Variants in TMEM272 observed in about 807,000 individuals in gnomAD.
TMEM272 encodes the protein transmembrane protein 272, also known as long intergenic non-protein coding RNA 282.
Under a neutral mutation model 3.7 loss-of-function variants are expected in TMEM272, and 8 were observed. The ratio of observed to expected loss-of-function variants is 2.17; its 90% CI spans 1.27 to 3.91. TMEM272 has a LOEUF of 3.91. TMEM272 is among the 30% of genes most tolerant of loss of function. The pLI, the probability that TMEM272 is intolerant of heterozygous loss-of-function variation, is 0.00. For synonymous variants in TMEM272, 63 were observed against 39.8 expected, an observed-to-expected ratio of 1.58 and a Z score of -2.20; for missense variants, 166 against 91.5, an observed-to-expected ratio of 1.81 and a Z score of -3.32.
At chr13:51,922,162 G>C in the TMEM272 span, among the ~76,000 whole-genome samples, 10 of 152,220 alleles carry the variant, frequency 6.6e-5, no homozygotes, top group Non-Finnish European at 1.3e-4. Context: ...AGGAGTTATC[G>C]CTTGAAAAAA....
At chr13:51,851,442 T>C in the TMEM272 span, among the ~76,000 whole-genome samples, 132 of 53,680 alleles carry the variant, frequency 2.5e-3, 2 homozygotes, top group South Asian at 0.025. Context: ...ACGCCCTACA[T>C]TTGTAGTCAT....
At chr13:51,843,498 T>C (rs574956011) in intron 1 of TMEM272, among the ~76,000 whole-genome samples, 1 of 152,340 alleles carries the variant, frequency 6.6e-6, no homozygotes, top group Non-Finnish European at 1.5e-5. Context: ...GATGGATTCA[T>C]GTCAATGCAA....
Position 51,814,822 on chromosome 13 carries a change from T to C in TMEM272, c.*1929A>G, listed in dbSNP as rs918919235. 6.6e-6 allele frequency: 1 copy of C among 152,306 alleles called. No homozygotes were observed. The highest frequency in any genetic ancestry group is 2.4e-5 in the African/African-American group (1 of 41,462). 9.4% of individuals were successfully genotyped at this position (152,306 alleles called of 1,614,324 possible). On this transcript the variant is annotated 3_prime_UTR_variant, in exon 5 of 5. Coordinates refer to ENST00000629372, the MANE Select transcript of TMEM272 (RefSeq NM_001351003.2). ...TGTCCAACGTTTGAGACCTAGCTAC[T>C]GATGTATCCAAAGCACTAACCAGTA... is the stretch of plus-strand genomic sequence containing the variant.
the TMEM272 span, among the ~76,000 whole-genome samples, chr13:51,922,899 C>G: frequency 6.6e-6 from 1 of 152,206 alleles, no homozygotes; most frequent in East Asian, 1.9e-4. Flanking sequence ...TTAGAAACAC[C>G]CTTGTGATTA....
the TMEM272 span, among the ~76,000 whole-genome samples, chr13:51,888,035 C>T: frequency 7.6e-6 from 1 of 131,606 alleles, no homozygotes; most frequent in Admixed American, 9.3e-5. Flanking sequence ...TGTAATTTCA[C>T]TTGACACAAT....
At chr13:51,849,187 A>G (rs1403281224), upstream of TMEM272, among the ~76,000 whole-genome samples, 1 of 152,194 alleles carries the variant, frequency 6.6e-6, no homozygotes, top group Non-Finnish European at 1.5e-5. Flanking sequence ...GAGTTAAATG[A>G]CAGGCACCCC....
At chr13:51,892,967 C>T in the TMEM272 span, among the ~76,000 whole-genome samples, 1 of 152,248 alleles carries the variant, frequency 6.6e-6, no homozygotes, top group Non-Finnish European at 1.5e-5. Flanking sequence ...CTGACTACAA[C>T]ACAAAGGTAA....
At chr13:51,909,344 C>G in the TMEM272 span, 1 of 881,774 alleles carries the variant, frequency 1.1e-6, no homozygotes, top group Non-Finnish European at 1.9e-6. Flanking sequence ...TTCTGCAGGT[C>G]TCCAGCTCTT....
At chr13:51,923,532 T>C in the TMEM272 span, among the ~76,000 whole-genome samples, 1 of 152,046 alleles carries the variant, frequency 6.6e-6, no homozygotes, top group Non-Finnish European at 1.5e-5. Flanking sequence ...CAGTGGAAAG[T>C]GCCGGCAGCC....
intron 3 of TMEM272, among the ~76,000 whole-genome samples, chr13:51,826,072 C>G (rs1214323544): frequency 6.7e-6 from 1 of 149,614 alleles, no homozygotes; most frequent in Admixed American, 6.6e-5. Context: ...CGCTAGACCT[C>G]ACACTTCTGG....
chr13:51,844,671 C>T (rs767649248), intron 1 of TMEM272, among the ~76,000 whole-genome samples: 6 of 152,190 alleles, frequency 3.9e-5, no homozygotes, highest in Non-Finnish European at 7.3e-5. Context: ...AAGCCACTTG[C>T]TCACAGCCCC....
chr13:51,906,203 G>A, the TMEM272 span, among the ~76,000 whole-genome samples: 1 of 152,196 alleles, frequency 6.6e-6, no homozygotes, highest in Non-Finnish European at 1.5e-5. Context: ...GCCCGCTAAG[G>A]GGACTCCCTG....
chr13:51,930,212 C>T, the TMEM272 span, among the ~76,000 whole-genome samples: 2 of 151,864 alleles, frequency 1.3e-5, no homozygotes, highest in African/African-American at 2.4e-5. Context: ...AGTTAATAGC[C>T]GTCTCCATTT....
intron 2 of TMEM272, among the ~76,000 whole-genome samples, chr13:51,833,486 G>A (rs1353740284): frequency 6.6e-6 from 1 of 152,182 alleles, no homozygotes; most frequent in African/African-American, 2.4e-5. Context: ...TCAGCCTGGA[G>A]AGCAATTGTG....
the TMEM272 span, among the ~76,000 whole-genome samples, chr13:51,897,793 G>A: frequency 6.6e-6 from 1 of 151,500 alleles, no homozygotes. Flanking sequence ...CAGGCATGGT[G>A]GTGCGTGCCT....
chr13:51,892,476 GT>G, the TMEM272 span, among the ~76,000 whole-genome samples: 1 of 152,104 alleles, frequency 6.6e-6, no homozygotes, highest in Non-Finnish European at 1.5e-5. Flanking sequence ...GCTTGGTATT[GT>G]TGGGGGATGG....
chr13:51,841,060 C>T (rs369950377), intron 1 of TMEM272, among the ~76,000 whole-genome samples: 28 of 152,214 alleles, frequency 1.8e-4, no homozygotes, highest in Admixed American at 7.2e-4. Context: ...GATTGCCACA[C>T]GGGTGTCACA....
chr13:51,873,335 A>G, the TMEM272 span, among the ~76,000 whole-genome samples: 1 of 152,220 alleles, frequency 6.6e-6, no homozygotes, highest in South Asian at 2.1e-4. Flanking sequence ...GTTATGTAAA[A>G]TATAAATAGC....
the TMEM272 span, among the ~76,000 whole-genome samples, chr13:51,914,928 G>A: frequency 1.3e-5 from 2 of 152,200 alleles, no homozygotes; most frequent in South Asian, 2.1e-4. Context: ...GTCAAGAATC[G>A]ATTCAGGTTT....
Sources: gnomAD v4.1 joint callset for allele counts (sites outside exome capture counted in the v4.1 genomes callset) on GRCh38, gnomAD v4.1.1 for gene constraint, MANE v1.5 for transcripts, NCBI Gene and HGNC (gene_info 2026-07-23, HGNC 2026-07-21) for gene names.